NCAPD2: variants seen among roughly 807,000 people sequenced by gnomAD.
The protein encoded by NCAPD2 is condensin complex subunit 1.
NCAPD2 carries 100 observed loss-of-function variants against 164.5 expected under a neutral mutation model. The ratio of observed to expected loss-of-function variants is 0.61; its 90% CI spans 0.52 to 0.72. The LOEUF is 0.72. Ranked by LOEUF, NCAPD2 falls within the 30% of genes least tolerant of loss-of-function variation. NCAPD2 has a pLI of 0.00. For synonymous variants in NCAPD2, 585 were observed against 642.6 expected, an observed-to-expected ratio of 0.91 and a Z score of 1.36; for missense variants, 1,560 against 1,749.2, an observed-to-expected ratio of 0.89 and a Z score of 1.93.
At chr12:6,518,036 C>T (rs540248288) in intron 13 of NCAPD2, 77 bp downstream of exon 13, 6 of 1,414,922 alleles carry the variant, frequency 4.2e-6, no homozygotes, top group East Asian at 4.6e-5. Flanking sequence ...CATAATGTGT[C>T]TTTTAAATTA....
chr12:6,502,725 G>A (rs190419860), intron 2 of NCAPD2, among the ~76,000 whole-genome samples: 1 of 152,180 alleles, frequency 6.6e-6, no homozygotes, highest in Admixed American at 6.5e-5. Context: ...GGGGCAGGAG[G>A]ATCGCTTGAA....
chr12:6,520,611 G>A (rs921418019), intron 13 of NCAPD2, among the ~76,000 whole-genome samples: 1 of 152,144 alleles, frequency 6.6e-6, no homozygotes, highest in Non-Finnish European at 1.5e-5. Context: ...TTATTGTCTG[G>A]ATGTGCCTGA....
chr12:6,509,074 C>CT (rs57728406), intron 2 of NCAPD2, among the ~76,000 whole-genome samples: 497 of 143,750 alleles, frequency 3.5e-3, no homozygotes, highest in African/African-American at 3.9e-3. Flanking sequence ...ATAGGATAAA[C>CT]TTTTTTTTTT....
rs375630217 is a variant in NCAPD2 at position 6,510,860 on chromosome 12, G to A, written c.444+50G>A. ...TTATATGGGGTCTGGGGAGATAGGG[G>A]AATAGATGGAAAAGAAGGGAATCCA... On this transcript the variant is annotated intron_variant, in intron 5 of 31. Coordinates refer to ENST00000315579, the MANE Select transcript of NCAPD2 (RefSeq NM_014865.4). 25 of 1,566,178 alleles carry A rather than the reference G, an allele frequency of 1.6e-5. No individual in the cohort carries two copies. In the African/African-American group the frequency reaches 2.6e-4, roughly 16 times the overall value.
intron 29 of NCAPD2, 108 bp downstream of exon 29, chr12:6,530,066 T>TA: frequency 7.8e-7 from 1 of 1,275,118 alleles, no homozygotes; most frequent in Non-Finnish European, 1.1e-6. Flanking sequence ...GTCCTCCTTA[T>TA]CCCCAGCTGG....
In NCAPD2 at chr12:6,531,095, T is replaced by C. The variant is rs970285915; in HGVS notation, c.4120+19T>C. 6 of 1,612,358 alleles carry C rather than the reference T, an allele frequency of 3.7e-6. No homozygotes were observed. The highest frequency in any genetic ancestry group is 3.3e-5 in the Admixed American group (2 of 59,982). On this transcript the variant is annotated intron_variant, in intron 31 of 31. Transcript: ENST00000315579. The surrounding 1 kb of genome is among the most constrained non-coding windows in gnomAD (Gnocchi z 4.1). ...GAGGAAGGTATGATGCTCCCGCCTG[T>C]TCCCGGCCGAGAAGGCACACAGCTA...
At chr12:6,513,715 C>CTATTTTTTTTTTTTTTTTTT (rs1946171738) in intron 6 of NCAPD2, among the ~76,000 whole-genome samples, 1 of 74,894 alleles carries the variant, frequency 1.3e-5, no homozygotes, top group Non-Finnish European at 2.5e-5. Flanking sequence ...GTGACTTTGT[C>CTATTTTTTTTTTTTTTTTTT]TTTTTTTTTT....
At position 6,501,300 on chromosome 12, in the gene NCAPD2, G is replaced by A. The variant is rs1305170890; in HGVS notation, c.127+6075G>A. Among the ~76,000 whole-genome samples the A allele has an allele frequency of 2.2e-5, 3 of 136,828 alleles. No homozygotes were observed. In the Admixed American group the frequency reaches 2.5e-4, roughly 11 times the overall value. The allele number at this position is 136,828 out of a possible 152,430, so 89.8% of individuals were successfully genotyped here. On this transcript the variant is annotated intron_variant, in intron 2 of 31. Coordinates refer to ENST00000315579, the MANE Select transcript of NCAPD2 (RefSeq NM_014865.4). ...CTCTCGCCCAGGCTGGAGTGCAGTG[G>A]CACCATCTCGGTTCACTGCAAGCTC...
At chr12:6,518,392 T>C (rs1488655391) in intron 13 of NCAPD2, among the ~76,000 whole-genome samples, 5 of 151,388 alleles carry the variant, frequency 3.3e-5, no homozygotes, top group African/African-American at 9.7e-5. Context: ...ACATGCTTAA[T>C]ACTACCTTAA....
Position 6,516,880 on chromosome 12 carries a change from A to C in NCAPD2, c.1040A>C (p.Gln347Pro). The C allele has an allele frequency of 6.2e-7, 1 of 1,614,098 alleles. No homozygotes were observed. The highest frequency in any genetic ancestry group is 8.5e-7 in the Non-Finnish European group (1 of 1,180,012). ...GCAGCCATGGCGGAGATGGTGCTGCAGGTTCTCAGTGGCGATCAACTGGAA... is the reference window on the plus strand; with the variant it reads ...GCAGCCATGGCGGAGATGGTGCTGCCGGTTCTCAGTGGCGATCAACTGGAA... ...VLAAMAEMVL[Q>P]VLSGDQLEAA... is the part of the protein sequence containing the mutation. The change falls in exon 10 of 32, where the codon CAG becomes CCG. Residue 347 changes from glutamine (Q) to proline (P), a missense_variant. Transcript: ENST00000315579.
intron 2 of NCAPD2, among the ~76,000 whole-genome samples, chr12:6,499,391 T>C (rs1946013697): frequency 6.6e-6 from 1 of 151,736 alleles, no homozygotes; most frequent in African/African-American, 2.4e-5. Flanking sequence ...CTTGGGGGGT[T>C]TTTTTGTTGT....
At chr12:6,518,520 T>TTTTTTTTTTTG (rs1946231933) in intron 13 of NCAPD2, among the ~76,000 whole-genome samples, 2 of 113,982 alleles carry the variant, frequency 1.8e-5, no homozygotes, top group Admixed American at 9.0e-5. Flanking sequence ...TTTTTTTTTT[T>TTTTTTTTTTTG]TTTTTTTTTT....
chr12:6,530,556 TC>T, intron 29 of NCAPD2, 134 bp from the exon 30 acceptor site: 1 of 1,075,944 alleles, frequency 9.3e-7, no homozygotes, highest in Non-Finnish European at 1.3e-6. Context: ...ATTGGAATGA[TC>T]CGGTATGGAG....
intron 2 of NCAPD2, among the ~76,000 whole-genome samples, chr12:6,504,590 C>A (rs376457058): frequency 6.6e-6 from 1 of 152,014 alleles, no homozygotes; most frequent in African/African-American, 2.4e-5. Context: ...TGGGGTTTCA[C>A]CATGTTGGCC....
At position 6,530,934 on chromosome 12, in the gene NCAPD2, G is replaced by A. The variant is rs778689414; in HGVS notation, c.3978G>A (p.Gln1326=). 9.3e-6 allele frequency: 15 copies of A among 1,614,142 alleles called. No individual in the cohort carries two copies. In the South Asian group the frequency reaches 1.6e-4, roughly 18 times the overall value. Reference sequence around the variant, plus strand: ...TGCCTTTTCTAGGTTCTAGGTACCAGCCTCTGGCTTCTACAGCCTCAGACA... The same window carrying A: ...TGCCTTTTCTAGGTTCTAGGTACCAACCTCTGGCTTCTACAGCCTCAGACA... The part of the protein sequence containing the change: ...AKKPSTGSRY[Q]PLASTASDND... The change falls in exon 31 of 32, where the codon CAG becomes CAA. Residue 1326 remains glutamine, a synonymous_variant. Transcript: ENST00000315579.
At chr12:6,496,722 A>G (rs1945987436) in intron 2 of NCAPD2, among the ~76,000 whole-genome samples, 1 of 151,770 alleles carries the variant, frequency 6.6e-6, no homozygotes, top group Non-Finnish European at 1.5e-5. Flanking sequence ...CAGTGGCCTG[A>G]TCACAGCTCA....
In NCAPD2 at chr12:6,495,179, T is replaced by C; in HGVS notation, c.81T>C (p.Val27=). ...LLKSGGVNQY[V]VQEVLSIKHL... is the part of the protein sequence containing the mutation. The stretch of plus-strand genomic sequence containing the variant: ...AAAGTGGAGGGGTGAATCAGTATGT[T>C]GTGCAAGAGGTACTGTCCATCAAAC... The change falls in exon 2 of 32, where the codon GTT becomes GTC. Residue 27 remains valine (V), a synonymous_variant. Coordinates refer to ENST00000315579, the MANE Select transcript of NCAPD2 (RefSeq NM_014865.4). 2 of 1,614,146 alleles carry C rather than the reference T, an allele frequency of 1.2e-6. No homozygotes were observed. The highest frequency in any genetic ancestry group is 1.7e-6 in the Non-Finnish European group (2 of 1,180,016).
At position 6,522,861 on chromosome 12, in the gene NCAPD2, T is replaced by C. The variant is rs1461406372; in HGVS notation, c.1988T>C (p.Val663Ala). 1.9e-6 allele frequency: 3 copies of C among 1,614,160 alleles called. No individual in the cohort carries two copies. The change falls in exon 16 of 32, where the codon GTC becomes GCC. Residue 663 changes from valine (V) to alanine (A), a missense_variant. By Grantham distance (64) the Val-to-Ala change is moderately conservative (BLOSUM62 0). Transcript: ENST00000315579. ...GAGGTGATTGAATTCTTTGTGATGG[T>C]CTTCCAATTTGGGGTACCCCAGGCC... is the stretch of plus-strand genomic sequence containing the variant. Reference protein sequence around the residue: ...VQEVIEFFVMVFQFGVPQALF... With the variant: ...VQEVIEFFVMAFQFGVPQALF...
chr12:6,495,194 G>A lies in NCAPD2; in HGVS notation c.96G>A (p.Leu32=). The change falls in exon 2 of 32, where the codon CTG becomes CTA. Residue 32 remains leucine, a synonymous_variant. Coordinates refer to ENST00000315579, the MANE Select transcript of NCAPD2 (RefSeq NM_014865.4). ...GVNQYVVQEV[L]SIKHLPPQLR... is the part of the protein sequence containing the mutation. The stretch of plus-strand genomic sequence containing the variant: ...ATCAGTATGTTGTGCAAGAGGTACT[G>A]TCCATCAAACATCTTCCACCACAGC... 1 of 1,614,142 alleles carries A rather than the reference G, an allele frequency of 6.2e-7. No individual in the cohort carries two copies. Among genetic ancestry groups the A allele is most frequent in the Non-Finnish European group, 8.5e-7 (1 of 1,180,022 alleles).
Sources: allele counts gnomAD v4.1 joint callset (sites outside exome capture counted in the v4.1 genomes callset), GRCh38; gene constraint gnomAD v4.1.1; non-coding constraint Gnocchi (gnomAD v3.1); transcripts MANE v1.5; gene names NCBI Gene and HGNC (gene_info 2026-07-23, HGNC 2026-07-21).